Variants in SCEL observed in about 807,000 individuals in gnomAD.
The protein encoded by SCEL is sciellin.
In SCEL, 113 loss-of-function variants were observed where a neutral mutation model predicts 117.6. The observed-to-expected ratio is 0.96, with a 90% CI of 0.83 to 1.12. SCEL has a LOEUF of 1.12. Ranked by LOEUF, SCEL falls within the 50% of genes most tolerant of loss-of-function variation. SCEL has a pLI of 0.00. For missense variants in SCEL, 785 were observed against 810.8 expected (o/e 0.97, Z 0.39); for synonymous variants, 270 against 256.2 (o/e 1.05, Z -0.51).
In SCEL at chr13:77,603,152, T is replaced by A; in HGVS notation, c.1097+17T>A. The A allele has an allele frequency of 3.5e-6, 5 of 1,417,006 alleles. No homozygotes were observed. The highest frequency in any genetic ancestry group is 3.9e-6 in the Non-Finnish European group (4 of 1,027,680). The allele number at this position is 1,417,006 out of a possible 1,614,324, so 87.8% of individuals were successfully genotyped here. A position where few individuals can be genotyped will look rare whatever the true frequency, so the allele number is the denominator to read the frequency against. On this transcript the variant is annotated intron_variant, in intron 18 of 32. Transcript: ENST00000349847. ...TACCACTGGGTAAAAATAATTAATG[T>A]CTTTAATTATGGTTTCTGTTAAGTG... is the stretch of plus-strand genomic sequence containing the variant.
chr13:77,550,388 A>ATATATATATATATATATATATATATATAT (rs1567337564), intron 1 of SCEL, among the ~76,000 whole-genome samples: 2 of 792 alleles, frequency 2.5e-3, no homozygotes, highest in African/African-American at 3.5e-3. Flanking sequence ...TTTGTCTAAA[A>ATATATATATATATATATATATATATATAT]TATATATATA....
At position 77,610,049 on chromosome 13, in the gene SCEL, G is replaced by T. The variant is rs753970665; in HGVS notation, c.1280G>T (p.Gly427Val). The T allele has an allele frequency of 2.5e-6, 4 of 1,607,364 alleles. No individual in the cohort carries two copies. In the South Asian group the frequency reaches 4.4e-5, roughly 18 times the overall value. ...ATCTGATTTTCTATGTTTTTAAGGG[G>T]CCAAAGTCTCGACAGCCTCATTAAA... ...YPGTEKSTEG[G>V]QSLDSLIKVT... is the part of the protein sequence containing the mutation. The change falls in exon 22 of 33, where the codon GGC (glycine) becomes GTC (valine). Residue 427 changes from glycine (G) to valine (V), a missense_variant and splice_region_variant. Transcript: ENST00000349847.
intron 31 of SCEL, among the ~76,000 whole-genome samples, chr13:77,642,129 G>T (rs564948520): frequency 6.6e-6 from 1 of 151,408 alleles, no homozygotes; most frequent in Non-Finnish European, 1.5e-5. Context: ...AAATATTACC[G>T]AGAATAAAAA....
At chr13:77,566,735 A>C (rs2085312086) in intron 5 of SCEL, among the ~76,000 whole-genome samples, 2 of 152,158 alleles carry the variant, frequency 1.3e-5, no homozygotes, top group Admixed American at 1.3e-4. Flanking sequence ...CAGGGACCTA[A>C]GTTCTTTCTA....
chr13:77,576,302 G>A (rs904607674), intron 9 of SCEL, among the ~76,000 whole-genome samples: 3 of 45,942 alleles, frequency 6.5e-5, no homozygotes, highest in African/African-American at 1.9e-4. Context: ...ATTGTGTTTC[G>A]AGAACCAGCA....
At chr13:77,542,942 T>G (rs573264563) in intron 1 of SCEL, among the ~76,000 whole-genome samples, 1 of 152,326 alleles carries the variant, frequency 6.6e-6, no homozygotes, top group East Asian at 1.9e-4. Context: ...AAACAAGTAG[T>G]GGTGGGGTTG....
chr13:77,581,895 G>C (rs557997020), intron 9 of SCEL, among the ~76,000 whole-genome samples: 2 of 152,234 alleles, frequency 1.3e-5, no homozygotes, highest in East Asian at 3.9e-4. Flanking sequence ...GGGAATGGAG[G>C]CTTGCATTGT....
rs540380630 is a variant in SCEL at position 77,581,970 on chromosome 13, T to C, written c.546-7174T>C. ...GGGAGGCAGGGAGGCCTGAGTACAG[T>C]GAAGTATAGGTGATAGGGACATGCT... On this transcript the variant is annotated intron_variant, in intron 9 of 32. Transcript: ENST00000349847. Among the ~76,000 whole-genome samples the C allele has an allele frequency of 2.0e-5, 3 of 151,960 alleles. No individual in the cohort carries two copies. The East Asian group carries it at 5.8e-4, about 29-fold the overall frequency.
At position 77,617,861 on chromosome 13, in the gene SCEL, AG is replaced by A; in HGVS notation, c.1571+1del. On this transcript the variant is annotated frameshift_variant and splice_region_variant, in exon 26 of 33. Coordinates refer to ENST00000349847, the MANE Select transcript of SCEL (RefSeq NM_144777.3). LOFTEE classifies it high-confidence loss of function. ...VNPAVIRNNQSQDLDNLIKVK... is the reference protein window; with the variant it reads ...VNPAVIRNNQXQDLDNLIKVK... ...TCCTGCAGTAATCAGAAACAATCAG[AG>A]GTATATATAGAAGCAGTCAATTCAT... is the stretch of plus-strand genomic sequence containing the variant. 1 of 1,606,862 alleles carries A rather than the reference AG, an allele frequency of 6.2e-7. No homozygotes were observed. The highest frequency in any genetic ancestry group is 8.5e-7 in the Non-Finnish European group (1 of 1,174,204).
intron 18 of SCEL, 44 bp downstream of exon 18, chr13:77,603,179 C>A: frequency 3.3e-6 from 4 of 1,204,658 alleles, no homozygotes; most frequent in South Asian, 1.4e-5. Flanking sequence ...TGTTAAGTGT[C>A]AATCAGAAGA....
At chr13:77,616,200 T>A (rs1418868961) in intron 24 of SCEL, among the ~76,000 whole-genome samples, 4 of 152,070 alleles carry the variant, frequency 2.6e-5, no homozygotes, top group African/African-American at 9.7e-5. Context: ...CTAGTGGATT[T>A]TTTTTATGTT....
At chr13:77,608,139 T>TTCCTTC in intron 20 of SCEL, 24 bp downstream of exon 20, 2 of 1,537,956 alleles carry the variant, frequency 1.3e-6, no homozygotes, top group Non-Finnish European at 1.8e-6. Flanking sequence ...CTTACCTCTC[T>TTCCTTC]TCCTTCCCCT....
intron 4 of SCEL, among the ~76,000 whole-genome samples, chr13:77,560,090 A>T (rs1026441862): frequency 1.3e-5 from 2 of 152,056 alleles, no homozygotes; most frequent in South Asian, 4.2e-4. Flanking sequence ...TGTGCATCCC[A>T]CTGAGGTGAT....
At chr13:77,624,465 A>T (rs2089616792) in intron 27 of SCEL, among the ~76,000 whole-genome samples, 1 of 151,988 alleles carries the variant, frequency 6.6e-6, no homozygotes, top group African/African-American at 2.4e-5. Flanking sequence ...CTGAGTCCAA[A>T]TTTCCTCCTA....
At chr13:77,622,020 T>C (rs2154404373) in intron 27 of SCEL, among the ~76,000 whole-genome samples, 1 of 152,316 alleles carries the variant, frequency 6.6e-6, no homozygotes, top group East Asian at 1.9e-4. Flanking sequence ...TGTAAAACTC[T>C]AAAGAGTTGG....
intron 19 of SCEL, 138 bp from the exon 20 acceptor site, chr13:77,607,918 C>T: frequency 1.8e-6 from 1 of 563,444 alleles, no homozygotes; most frequent in Non-Finnish European, 3.1e-6. Context: ...TCACAATCTT[C>T]AGTCTTCAAC....
At chr13:77,626,669 G>A (rs2089749431) in intron 27 of SCEL, among the ~76,000 whole-genome samples, 1 of 152,116 alleles carries the variant, frequency 6.6e-6, no homozygotes, top group Non-Finnish European at 1.5e-5. Context: ...GTCTTATGAA[G>A]AACGTACTTG....
chr13:77,619,209 T>C (rs928462805), intron 27 of SCEL, among the ~76,000 whole-genome samples: 9 of 152,322 alleles, frequency 5.9e-5, no homozygotes, highest in African/African-American at 2.2e-4. Context: ...GCCTAACTCT[T>C]ACATCTCCTA....
rs1364580761 is a variant in SCEL at position 77,618,487 on chromosome 13, T to C, written c.1628+427T>C. ...ATGAACCACTCCTTCCTATCCTTTT[T>C]TTCTTTTCTTCTTTTCTCCTTTCTT... On this transcript the variant is annotated intron_variant, in intron 27 of 32. Coordinates refer to ENST00000349847, the MANE Select transcript of SCEL (RefSeq NM_144777.3). 3.3e-5 allele frequency among the ~76,000 whole-genome samples: 5 copies of C among 152,064 alleles called. 1 individual carries two copies. The highest frequency in any genetic ancestry group is 7.2e-5 in the African/African-American group (3 of 41,436).
Sources: allele counts gnomAD v4.1 joint callset (sites outside exome capture counted in the v4.1 genomes callset), GRCh38; gene constraint gnomAD v4.1.1; transcripts MANE v1.5; gene names NCBI Gene and HGNC (gene_info 2026-07-23, HGNC 2026-07-21).